LONRF2: variants seen among roughly 807,000 people sequenced by gnomAD.
LONRF2 encodes LON peptidase N-terminal domain and RING finger protein 2.
LONRF2 carries 35 observed loss-of-function variants against 66.6 expected under a neutral mutation model. That is an observed-to-expected ratio of 0.53 (90% CI 0.40 to 0.70). LONRF2 has a LOEUF of 0.70. Among genes scored for constraint, LONRF2 ranks in the 30% least tolerant of loss-of-function variants. The pLI is 0.00. For missense variants in LONRF2, 902 were observed against 1,002.1 expected (o/e 0.90, Z 1.35); for synonymous variants, 417 against 418.1 (o/e 1.00, Z 0.03).
rs1309243530 is a variant in LONRF2, at chr2:100,278,859, C to T, written c.*5439G>A. ...GTGGGCACATGACATGTTTGCTGTT[C>T]TTCCTTTTAATACTGAGGAGTCCAC... On this transcript the variant is annotated 3_prime_UTR_variant, in exon 12 of 12. Transcript: ENST00000393437. The T allele has an allele frequency of 2.0e-5, 3 of 152,178 alleles. No individual in the cohort carries two copies. The highest frequency in any genetic ancestry group is 4.4e-5 in the Non-Finnish European group (3 of 68,040). 9.4% of individuals were successfully genotyped at this position (152,178 alleles called of 1,614,324 possible).
rs189783734 is a variant in LONRF2, at chr2:100,284,042, C to G, written c.*256G>C. ...GTCAGTGAACTGCATTCCCCAAGCA[C>G]CTGCTTCTAAGAGATTTTCTTAGGT... On this transcript the variant is annotated 3_prime_UTR_variant, in exon 12 of 12. Transcript: ENST00000393437. 3.8e-4 allele frequency: 143 copies of G among 372,534 alleles called. No homozygotes were observed. Among genetic ancestry groups the G allele is most frequent in the African/African-American group, 2.8e-3 (137 of 48,280 alleles). The allele number at this position is 372,534 out of a possible 1,614,324, so 23.1% of individuals were successfully genotyped here.
chr2:100,283,294 C>T lies in LONRF2; in HGVS notation c.*1004G>A, dbSNP rs1030893079. 6.6e-6 allele frequency: 1 copy of T among 152,096 alleles called. No individual in the cohort carries two copies. The highest frequency in any genetic ancestry group is 1.5e-5 in the Non-Finnish European group (1 of 68,012). The allele number at this position is 152,096 out of a possible 1,614,324, so 9.4% of individuals were successfully genotyped here. ...TTTACATCCCATACCGGCCATCCTCCCTTCATATATTCTGATCTATTTTCC... is the reference window on the plus strand; with the variant it reads ...TTTACATCCCATACCGGCCATCCTCTCTTCATATATTCTGATCTATTTTCC... On this transcript the variant is annotated 3_prime_UTR_variant, in exon 12 of 12. Coordinates refer to ENST00000393437, the MANE Select transcript of LONRF2 (RefSeq NM_198461.4).
At chr2:100,319,955 GT>G (rs1477578835) in intron 1 of LONRF2, among the ~76,000 whole-genome samples, 6 of 152,156 alleles carry the variant, frequency 3.9e-5, no homozygotes, top group African/African-American at 1.2e-4. Context: ...AAATATCACA[GT>G]TTTCATTTTT....
Position 100,295,423 on chromosome 2 carries a change from A to C in LONRF2, c.1598+9T>G. 6.2e-7 allele frequency: 1 copy of C among 1,611,852 alleles called. No homozygotes were observed. The highest frequency in any genetic ancestry group is 1.3e-5 in the African/African-American group (1 of 74,946). ...CTTAAGACCAAGGACACACAACATGAGCACTTACTTTGACAGTTCTGACAT... is the reference window on the plus strand; with the variant it reads ...CTTAAGACCAAGGACACACAACATGCGCACTTACTTTGACAGTTCTGACAT... On this transcript the variant is annotated intron_variant, in intron 8 of 11. Transcript: ENST00000393437.
Position 100,275,733 on chromosome 2 carries a change from T to G in LONRF2, c.*8565A>C, listed in dbSNP as rs1466350751. ...CAGAAGCCCCTGAGCTACGTGAGCC[T>G]GTAACCACCCCCCACCAGTGTGCCT... On this transcript the variant is annotated 3_prime_UTR_variant, in exon 12 of 12. Transcript: ENST00000393437. The G allele has an allele frequency of 6.6e-6, 1 of 152,138 alleles. No individual in the cohort carries two copies. Among genetic ancestry groups the G allele is most frequent in the Non-Finnish European group, 1.5e-5 (1 of 68,030 alleles). The allele number at this position is 152,138 out of a possible 1,614,324, so 9.4% of individuals were successfully genotyped here. A position where few individuals can be genotyped will look rare whatever the true frequency, so the allele number is the denominator to read the frequency against.
chr2:100,317,045 T>C (rs906654132), intron 1 of LONRF2, among the ~76,000 whole-genome samples: 1 of 152,210 alleles, frequency 6.6e-6, no homozygotes, highest in Non-Finnish European at 1.5e-5. Context: ...AATTTTAACC[T>C]TTTTTTGTGT....
chr2:100,284,495 G>T lies in LONRF2; in HGVS notation c.2071-3C>A, dbSNP rs775991596. 8.3e-6 allele frequency: 13 copies of T among 1,559,030 alleles called. No individual in the cohort carries two copies. In the African/African-American group the frequency reaches 1.5e-4, roughly 18 times the overall value. On this transcript the variant is annotated splice_polypyrimidine_tract_variant and splice_region_variant and intron_variant, in intron 11 of 11. Coordinates refer to ENST00000393437, the MANE Select transcript of LONRF2 (RefSeq NM_198461.4). ...CAGGCAGGGCCGCTGGGATTACTCTGCAAAAGAGATGAGGGGAAAGCAAGG... is the reference window on the plus strand; with the variant it reads ...CAGGCAGGGCCGCTGGGATTACTCTTCAAAAGAGATGAGGGGAAAGCAAGG...
intron 7 of LONRF2, 124 bp from the exon 8 acceptor site, chr2:100,295,677 A>T (rs1394179518): frequency 3.3e-6 from 3 of 919,388 alleles, no homozygotes; most frequent in Non-Finnish European, 3.2e-6. Flanking sequence ...AGGAAAAGGG[A>T]TGGAGAGAGA....
At position 100,284,628 on chromosome 2, in the gene LONRF2, T is replaced by C. The variant is rs1674807791; in HGVS notation, c.2071-136A>G. ...TTGTATTTTAGGGCTAATTCACAAT[T>C]CATTCAGCTCTCAAAATACATAGTT... On this transcript the variant is annotated intron_variant, in intron 11 of 11. Transcript: ENST00000393437. 4.5e-6 allele frequency: 3 copies of C among 660,440 alleles called. No individual in the cohort carries two copies. In the South Asian group the frequency reaches 8.9e-5, roughly 20 times the overall value. 40.9% of individuals were successfully genotyped at this position (660,440 alleles called of 1,614,324 possible). A position where few individuals can be genotyped will look rare whatever the true frequency, so the allele number is the denominator to read the frequency against.
intron 7 of LONRF2, among the ~76,000 whole-genome samples, chr2:100,297,465 C>T (rs974913537): frequency 6.6e-6 from 1 of 152,156 alleles, no homozygotes. Context: ...TGACGACCTC[C>T]AGCTATCACT....
intron 9 of LONRF2, among the ~76,000 whole-genome samples, chr2:100,293,521 C>T (rs1484640648): frequency 6.6e-6 from 1 of 152,140 alleles, no homozygotes; most frequent in Non-Finnish European, 1.5e-5. Context: ...GCAGTGACCT[C>T]ATCATGACTA....
At chr2:100,319,110 G>A (rs1488883876) in intron 1 of LONRF2, among the ~76,000 whole-genome samples, 3 of 131,532 alleles carry the variant, frequency 2.3e-5, no homozygotes, top group Non-Finnish European at 4.7e-5. Flanking sequence ...GACAGAGCAA[G>A]ACTCCGTCTT....
chr2:100,289,965 T>C (rs114234904), intron 10 of LONRF2, among the ~76,000 whole-genome samples: 2,010 of 152,094 alleles, frequency 0.013, 12 homozygotes, highest in Middle Eastern at 0.027. Flanking sequence ...AAATTAGCCA[T>C]GTGTGGTGGT....
At chr2:100,315,418 T>C (rs1463147272) in intron 1 of LONRF2, among the ~76,000 whole-genome samples, 1 of 152,192 alleles carries the variant, frequency 6.6e-6, no homozygotes, top group Admixed American at 6.5e-5. Context: ...TATCTTTTAT[T>C]TTTCCAATCT....
At position 100,282,283 on chromosome 2, in the gene LONRF2, G is replaced by A. The variant is rs1030756955; in HGVS notation, c.*2015C>T. 4 of 152,190 alleles carry A rather than the reference G, an allele frequency of 2.6e-5. No individual in the cohort carries two copies. The highest frequency in any genetic ancestry group is 2.6e-4 in the Admixed American group (4 of 15,278). 9.4% of individuals were successfully genotyped at this position (152,190 alleles called of 1,614,324 possible). On this transcript the variant is annotated 3_prime_UTR_variant, in exon 12 of 12. Transcript: ENST00000393437. ...AAGAGTGAGGAAGAGAAAGCAACAG[G>A]TTCCAAGTATTATAGCAAGCATACC...
At chr2:100,308,021 C>T (rs1384179304) in intron 2 of LONRF2, among the ~76,000 whole-genome samples, 1 of 152,142 alleles carries the variant, frequency 6.6e-6, no homozygotes, top group Non-Finnish European at 1.5e-5. Flanking sequence ...CATCCTTGGG[C>T]TTATCCCTAA....
chr2:100,309,830 G>A (rs1286489109), intron 1 of LONRF2, among the ~76,000 whole-genome samples: 4 of 151,982 alleles, frequency 2.6e-5, no homozygotes, highest in Admixed American at 2.0e-4. Context: ...GTGCCACCAC[G>A]CCCGGCTAAT....
rs1250567674 is a variant in LONRF2 at position 100,321,401 on chromosome 2, C to T, written c.679+14G>A. 4.2e-6 allele frequency: 6 copies of T among 1,428,938 alleles called. No homozygotes were observed. The South Asian group carries it at 5.9e-5, about 14-fold the overall frequency. The allele number at this position is 1,428,938 out of a possible 1,614,324, so 88.5% of individuals were successfully genotyped here. On this transcript the variant is annotated intron_variant, in intron 1 of 11. Coordinates refer to ENST00000393437, the MANE Select transcript of LONRF2 (RefSeq NM_198461.4). ...AGGTGTAGGGGAGGCGGACCCGCCCCGCAGCCGACTCACCCAGCTCCAGGG... is the reference window on the plus strand; with the variant it reads ...AGGTGTAGGGGAGGCGGACCCGCCCTGCAGCCGACTCACCCAGCTCCAGGG...
intron 11 of LONRF2, among the ~76,000 whole-genome samples, chr2:100,285,872 G>A (rs1409888986): frequency 6.6e-6 from 1 of 152,168 alleles, no homozygotes; most frequent in Non-Finnish European, 1.5e-5. Flanking sequence ...CACCACGTTC[G>A]TGAAATTTCT....
Sources: gnomAD v4.1 joint callset for allele counts (sites outside exome capture counted in the v4.1 genomes callset) on GRCh38, gnomAD v4.1.1 for gene constraint, MANE v1.5 for transcripts, NCBI Gene and HGNC (gene_info 2026-07-23, HGNC 2026-07-21) for gene names.